Variants in EIF2D observed in about 807,000 individuals in gnomAD.
EIF2D encodes hepatocellular carcinoma-associated antigen 56.
A neutral mutation model predicts 77.4 loss-of-function variants in EIF2D; 56 were observed. The observed-to-expected ratio is 0.72, with a 90% CI of 0.58 to 0.90. The LOEUF (loss-of-function observed/expected upper bound fraction) is 0.90, where lower values mean the gene tolerates loss of function less well. Among genes scored for constraint, EIF2D ranks in the 40% least tolerant of loss-of-function variants. The pLI, the probability that EIF2D is intolerant of heterozygous loss-of-function variation, is 0.00. For synonymous variants in EIF2D, 230 were observed against 271.0 expected (o/e 0.85, Z 1.49); for missense variants, 574 against 706.5 (o/e 0.81, Z 2.13).
rs116457911 is a variant in EIF2D, at chr1:206,608,829, T to C, written c.332-503A>G. Among the ~76,000 whole-genome samples the C allele has an allele frequency of 9.8e-3, 1,486 of 152,292 alleles. 30 individuals carry two copies. The highest frequency in any genetic ancestry group is 0.034 in the African/African-American group (1,418 of 41,570). ...CACTCTGGGAGGCCAAGGCGGGCAG[T>C]TGACTTGAGGTCAGAAGTTCGAGAC... On this transcript the variant is annotated intron_variant, in intron 3 of 14. Transcript: ENST00000271764.
Position 206,603,106 on chromosome 1 carries a change from G to T in EIF2D, c.629C>A (p.Thr210Asn). The change falls in exon 6 of 15, where the codon ACC becomes AAC. Residue 210 changes from threonine to asparagine, a missense_variant. Thr to Asn is a moderately conservative substitution (Grantham distance 65). Coordinates refer to ENST00000271764, the MANE Select transcript of EIF2D (RefSeq NM_006893.3). ...EEKGSVQMDS[T>N]LQGDMRHMTL... ...CATGTGCCTCATGTCTCCCTGCAGG[G>T]TGGAGTCCATCTGGACAGACCCCTT... is the stretch of plus-strand genomic sequence containing the variant. 6.2e-7 allele frequency: 1 copy of T among 1,614,060 alleles called. No homozygotes were observed. The highest frequency in any genetic ancestry group is 1.7e-5 in the Admixed American group (1 of 60,022).
At chr1:206,595,523 G>A (rs1001040682) in intron 13 of EIF2D, 195 bp downstream of exon 13, 2 of 477,196 alleles carry the variant, frequency 4.2e-6, no homozygotes, top group Non-Finnish European at 7.1e-6. Context: ...AAATCCTAGA[G>A]GGCAGTGAGT....
At chr1:206,586,763 G>C, downstream of EIF2D, 8 of 1,304,152 alleles carry the variant, frequency 6.1e-6, no homozygotes, top group Non-Finnish European at 8.7e-6. Flanking sequence ...CTCTCAGGTC[G>C]TGTCAACTTC....
At chr1:206,574,397 C>T (rs1324530757) in intron 4 of EIF2D, among the ~76,000 whole-genome samples, 1 of 152,238 alleles carries the variant, frequency 6.6e-6, no homozygotes, top group Non-Finnish European at 1.5e-5. Context: ...AGGTGCCTTT[C>T]ACGATCCTCA....
intron 4 of EIF2D, among the ~76,000 whole-genome samples, chr1:206,577,625 T>A (rs1668705039): frequency 6.6e-6 from 1 of 152,228 alleles, no homozygotes; most frequent in South Asian, 2.1e-4. Context: ...CCCTACTATG[T>A]GTCAAGCTGG....
chr1:206,582,245 G>T (rs1160501525), intron 2 of EIF2D, among the ~76,000 whole-genome samples: 5 of 152,218 alleles, frequency 3.3e-5, no homozygotes, highest in African/African-American at 9.6e-5. Flanking sequence ...TCTACAAGGT[G>T]AGGGCCATTG....
rs917094310 is a variant in EIF2D, at chr1:206,612,443, G to C, written c.-101C>G. 1 of 1,493,606 alleles carries C rather than the reference G, an allele frequency of 6.7e-7. No homozygotes were observed. Among genetic ancestry groups the C allele is most frequent in the Non-Finnish European group, 9.3e-7 (1 of 1,077,068 alleles). 92.5% of individuals were successfully genotyped at this position (1,493,606 alleles called of 1,614,324 possible). A position where few individuals can be genotyped will look rare whatever the true frequency, so the allele number is the denominator to read the frequency against. ...GGCCCTCAGCCGTGGGGGCAGCCAT[G>C]CTGGGGCCCGGCCGCGAAAAGGGCC... On this transcript the variant is annotated 5_prime_UTR_variant, in exon 1 of 15. Transcript: ENST00000271764.
chr1:206,602,567 A>G, intron 6 of EIF2D, 114 bp from the exon 7 acceptor site: 1 of 905,536 alleles, frequency 1.1e-6, no homozygotes. Flanking sequence ...AAAGGAACCC[A>G]TTCCCAGGTA....
At chr1:206,608,657 T>C (rs974328006) in intron 3 of EIF2D, among the ~76,000 whole-genome samples, 3 of 152,206 alleles carry the variant, frequency 2.0e-5, no homozygotes, top group Non-Finnish European at 4.4e-5. Flanking sequence ...ACCCATCCAA[T>C]AGCAGGACAT....
Position 206,592,641 on chromosome 1 carries a change from T to C in EIF2D, c.1685-796A>G, listed in dbSNP as rs782321776. Among the ~76,000 whole-genome samples the C allele has an allele frequency of 6.6e-6, 1 of 152,188 alleles. No individual in the cohort carries two copies. The highest frequency in any genetic ancestry group is 1.5e-5 in the Non-Finnish European group (1 of 68,026). On this transcript the variant is annotated intron_variant, in intron 14 of 14. Transcript: ENST00000271764. This position sits in a 1 kb window ranked among gnomAD's most constrained non-coding sequence, Gnocchi z 4.7. ...GGTCAGGCTGGGAGGGTCTTGTTTA[T>C]TGAGCTTAGGAGTTAATTCTGAAGG...
chr1:206,596,551 T>C (rs555916040), intron 12 of EIF2D, among the ~76,000 whole-genome samples: 91 of 152,370 alleles, frequency 6.0e-4, no homozygotes, highest in African/African-American at 1.9e-3. Flanking sequence ...TTTTCAGTTA[T>C]GTGGAAAAGA....
At chr1:206,576,062 G>A (rs564348145) in intron 4 of EIF2D, among the ~76,000 whole-genome samples, 1 of 152,188 alleles carries the variant, frequency 6.6e-6, no homozygotes, top group Non-Finnish European at 1.5e-5. Flanking sequence ...GCCAAGCGGG[G>A]TGCCAAAAAG....
In EIF2D at chr1:206,599,792, C is replaced by T. The variant is rs530681545; in HGVS notation, c.993G>A (p.Gln331=). The part of the protein sequence containing the change: ...LQQMQQEQII[Q]VKELSKGVES... ...CCACCCCTTTGCTCAGCTCCTTCAC[C>T]TGTATAATCTGCTCCTGCTGCATTT... The change falls in exon 9 of 15, where the codon CAG becomes CAA. Residue 331 remains glutamine (Q), a synonymous_variant. Transcript: ENST00000271764. The surrounding 1 kb of genome is among the most constrained non-coding windows in gnomAD (Gnocchi z 4.1). The T allele has an allele frequency of 6.2e-7, 1 of 1,614,148 alleles. No individual in the cohort carries two copies. The highest frequency in any genetic ancestry group is 1.1e-5 in the South Asian group (1 of 91,080).
rs549644764 is a variant in EIF2D at position 206,576,695 on chromosome 1, A to C, written c.*255-3996T>G. Reference sequence around the variant, plus strand: ...TATAGACTGGAGAAATTGCATTGGGAAACTACATAGAGAAGGTGGAACTAG... The same window carrying C: ...TATAGACTGGAGAAATTGCATTGGGCAACTACATAGAGAAGGTGGAACTAG... On this transcript the variant is annotated intron_variant and NMD_transcript_variant, in intron 4 of 5. Transcript: ENST00000472709. Among the ~76,000 whole-genome samples, 13 of 152,334 alleles carry C rather than the reference A, an allele frequency of 8.5e-5. 1 individual carries two copies. In the South Asian group the frequency reaches 2.7e-3, roughly 32 times the overall value.
At chr1:206,590,167 G>A (rs563203485), downstream of EIF2D, among the ~76,000 whole-genome samples, 1 of 152,304 alleles carries the variant, frequency 6.6e-6, no homozygotes, top group Admixed American at 6.5e-5. Context: ...TGTTCACAGG[G>A]GGAGAGGGAA....
chr1:206,610,236 T>G (rs1281667039), intron 2 of EIF2D, among the ~76,000 whole-genome samples: 2 of 152,208 alleles, frequency 1.3e-5, no homozygotes, highest in African/African-American at 4.8e-5. Context: ...AAACATTTTT[T>G]AGGCTGGGCA....
intron 4 of EIF2D, among the ~76,000 whole-genome samples, chr1:206,577,989 G>A (rs1001255915): frequency 2.0e-5 from 3 of 152,170 alleles, no homozygotes; most frequent in African/African-American, 7.2e-5. Flanking sequence ...TCGTGAGGCT[G>A]AAGTGAGAGT....
At chr1:206,602,829 T>C (rs1669989150) in intron 6 of EIF2D, 122 bp downstream of exon 6, 1 of 1,410,094 alleles carries the variant, frequency 7.1e-7, no homozygotes, top group African/African-American at 1.4e-5. Context: ...TCACAGAAAA[T>C]AAGGACCTTC....
At chr1:206,601,744 A>T (rs1378248887) in intron 7 of EIF2D, 1 of 152,428 alleles carries the variant, frequency 6.6e-6, no homozygotes, top group Non-Finnish European at 1.5e-5. Context: ...AACAAGCTAA[A>T]ATGCACATTG....
Sources: gnomAD v4.1 joint callset for allele counts (sites outside exome capture counted in the v4.1 genomes callset) on GRCh38, gnomAD v4.1.1 for gene constraint, Gnocchi (gnomAD v3.1) non-coding constraint, MANE v1.5 for transcripts, NCBI Gene and HGNC (gene_info 2026-07-23, HGNC 2026-07-21) for gene names.